Variants in PGP observed in about 807,000 individuals in gnomAD.
The protein encoded by PGP is aspartate-based ubiquitous Mg(2+)-dependent phosphatase.
A neutral mutation model predicts 19.3 loss-of-function variants in PGP; 9 were observed. The observed-to-expected ratio is 0.47, with a 90% CI of 0.28 to 0.81. The LOEUF (loss-of-function observed/expected upper bound fraction) is 0.81. PGP is among the 40% of genes least tolerant of loss of function. PGP has a pLI of 0.11. For missense variants in PGP, 403 were observed against 479.9 expected, an observed-to-expected ratio of 0.84 and a Z score of 1.50; for synonymous variants, 308 against 226.8, an observed-to-expected ratio of 1.36 and a Z score of -3.22.
chr16:2,213,671 G>T lies in PGP; in HGVS notation c.*57C>A. 1 of 1,446,954 alleles carries T rather than the reference G, an allele frequency of 6.9e-7. No individual in the cohort carries two copies. 89.6% of individuals were successfully genotyped at this position (1,446,954 alleles called of 1,614,324 possible). A position where few individuals can be genotyped will look rare whatever the true frequency, so the allele number is the denominator to read the frequency against. On this transcript the variant is annotated 3_prime_UTR_variant, in exon 2 of 2. Coordinates refer to ENST00000333503, the MANE Select transcript of PGP (RefSeq NM_001042371.3). ...ATGCTTAAGCCCCACCTATTAATTT[G>T]GGTAACTGGTTTTCAATTTCTTTTT... is the stretch of plus-strand genomic sequence containing the variant.
rs573639563 is a variant in PGP, at chr16:2,213,227, C to T, written c.*501G>A. 17 of 985,836 alleles carry T rather than the reference C, an allele frequency of 1.7e-5. No homozygotes were observed. In the South Asian group the frequency reaches 1.9e-4, roughly 11 times the overall value. The allele number at this position is 985,836 out of a possible 1,614,324, so 61.1% of individuals were successfully genotyped here. On this transcript the variant is annotated 3_prime_UTR_variant, in exon 2 of 2. Transcript: ENST00000333503. ...CCTGGGAGCAGCCGCCTCCTCCACT[C>T]CCACCCTGCTGGGAGGCACAGGGAC...
rs759518431 is a variant in PGP, at chr16:2,213,942, T to C, written c.752A>G (p.Asn251Ser). 10 of 1,612,210 alleles carry C rather than the reference T, an allele frequency of 6.2e-6. No homozygotes were observed. ...TCCCACCATGACGGTGCGCTCGGGGTTGATGCCGTATTCCTGGGACACGCA... is the reference window on the plus strand; with the variant it reads ...TCCCACCATGACGGTGCGCTCGGGGCTGATGCCGTATTCCTGGGACACGCA... ...FDCVSQEYGI[N>S]PERTVMVGDR... Residue 251 changes from asparagine (N) to serine (S), a missense_variant, in exon 2 of 2, where the codon AAC becomes AGC. Coordinates refer to ENST00000333503, the MANE Select transcript of PGP (RefSeq NM_001042371.3).
Position 2,212,019 on chromosome 16 carries a change from G to A in PGP, c.*1709C>T. On this transcript the variant is annotated 3_prime_UTR_variant, in exon 2 of 2. Coordinates refer to ENST00000333503, the MANE Select transcript of PGP (RefSeq NM_001042371.3). ...GTGTGGGTTTGAGAGTTTAATCTGT[G>A]CTCTGGCGCCCACAGTGCTGCAGCC... The A allele has an allele frequency of 1.0e-6, 1 of 985,526 alleles. No homozygotes were observed. The highest frequency in any genetic ancestry group is 1.2e-6 in the Non-Finnish European group (1 of 829,966). The allele number at this position is 985,526 out of a possible 1,614,324, so 61.0% of individuals were successfully genotyped here. A position where few individuals can be genotyped will look rare whatever the true frequency, so the allele number is the denominator to read the frequency against.
chr16:2,211,605 A>T lies in PGP; in HGVS notation c.*2123T>A, dbSNP rs2093375563. 1.5e-5 allele frequency: 13 copies of T among 861,654 alleles called. No individual in the cohort carries two copies. The Admixed American group carries it at 6.8e-4, about 45-fold the overall frequency. The allele number at this position is 861,654 out of a possible 1,614,324, so 53.4% of individuals were successfully genotyped here. A position where few individuals can be genotyped will look rare whatever the true frequency, so the allele number is the denominator to read the frequency against. On this transcript the variant is annotated 3_prime_UTR_variant, in exon 2 of 2. Transcript: ENST00000333503. The stretch of plus-strand genomic sequence containing the variant: ...GCTAATTTTTGTATTTTTAGTAGAG[A>T]TGGGTTTTCACCATTTTGGCCAGGC...
chr16:2,214,289 G>A lies in PGP; in HGVS notation c.489C>T (p.Pro163=). 3 of 1,563,146 alleles carry A rather than the reference G, an allele frequency of 1.9e-6. No homozygotes were observed. Among genetic ancestry groups the A allele is most frequent in the Non-Finnish European group, 2.6e-6 (3 of 1,163,082 alleles). Residue 163 remains proline (P), a synonymous_variant, in exon 1 of 2, where the codon CCC becomes CCT. Coordinates refer to ENST00000333503, the MANE Select transcript of PGP (RefSeq NM_001042371.3). This position sits in a 1 kb window ranked among gnomAD's most constrained non-coding sequence, Gnocchi z 7.1. The part of the protein sequence containing the change: ...PGDWLHAPLE[P]DVRAVVVGFD... Reference sequence around the variant, plus strand: ...AGCCCACCACCACCGCGCGCACGTCGGGCTCCAGCGGCGCGTGCAGCCAGT... The same window carrying A: ...AGCCCACCACCACCGCGCGCACGTCAGGCTCCAGCGGCGCGTGCAGCCAGT...
Position 2,214,718 on chromosome 16 carries a change from C to A in PGP, c.60G>T (p.Arg20=). The change falls in exon 1 of 2, where the codon CGG becomes CGT. Residue 20 remains arginine, a synonymous_variant. Coordinates refer to ENST00000333503, the MANE Select transcript of PGP (RefSeq NM_001042371.3). This position sits in a 1 kb window ranked among gnomAD's most constrained non-coding sequence, Gnocchi z 7.1. ...DARCVRLSAE[R]AQALLADVDT... ...CCACGTCGGCCAGCAGCGCCTGTGCCCGCTCGGCGCTCAGCCGCACGCAGC... is the reference window on the plus strand; with the variant it reads ...CCACGTCGGCCAGCAGCGCCTGTGCACGCTCGGCGCTCAGCCGCACGCAGC... The A allele has an allele frequency of 7.4e-7, 1 of 1,355,256 alleles. No homozygotes were observed. Among genetic ancestry groups the A allele is most frequent in the Non-Finnish European group, 9.5e-7 (1 of 1,051,352 alleles). The allele number at this position is 1,355,256 out of a possible 1,614,324, so 84.0% of individuals were successfully genotyped here.
Position 2,213,642 on chromosome 16 carries a change from G to GTGCTT in PGP, c.*85_*86insAAGCA, listed in dbSNP as rs1596739340. ...ACACTCTTTGAAGCCACTTAGCCGA[G>GTGCTT]CAGATGCTTAAGCCCCACCTATTAA... On this transcript the variant is annotated 3_prime_UTR_variant, in exon 2 of 2. Coordinates refer to ENST00000333503, the MANE Select transcript of PGP (RefSeq NM_001042371.3). 2.3e-6 allele frequency: 3 copies of GTGCTT among 1,292,442 alleles called. No homozygotes were observed. The East Asian group carries it at 7.5e-5, about 32-fold the overall frequency. 80.1% of individuals were successfully genotyped at this position (1,292,442 alleles called of 1,614,324 possible).
rs1345594469 is a variant in PGP at position 2,212,085 on chromosome 16, C to T, written c.*1643G>A. 5.1e-6 allele frequency: 5 copies of T among 985,440 alleles called. No homozygotes were observed. The highest frequency in any genetic ancestry group is 2.3e-4 in the East Asian group (2 of 8,836). 61.0% of individuals were successfully genotyped at this position (985,440 alleles called of 1,614,324 possible). ...ACAGGATGCACGGGGACTCCCAGCC[C>T]CTACCCGGCAAGAGAGGCATCACTG... is the stretch of plus-strand genomic sequence containing the variant. On this transcript the variant is annotated 3_prime_UTR_variant, in exon 2 of 2. Transcript: ENST00000333503.
rs114996223 is a variant in PGP at position 2,212,070 on chromosome 16, C to T, written c.*1658G>A. The T allele has an allele frequency of 7.7e-3, 7,542 of 985,494 alleles. 214 individuals are homozygous for T. The African/African-American group carries it at 0.084, about 11-fold the overall frequency. 61.0% of individuals were successfully genotyped at this position (985,494 alleles called of 1,614,324 possible). A position where few individuals can be genotyped will look rare whatever the true frequency, so the allele number is the denominator to read the frequency against. Reference sequence around the variant, plus strand: ...CCTCATGGGCCAGAGACAGGATGCACGGGGACTCCCAGCCCCTACCCGGCA... The same window carrying T: ...CCTCATGGGCCAGAGACAGGATGCATGGGGACTCCCAGCCCCTACCCGGCA... On this transcript the variant is annotated 3_prime_UTR_variant, in exon 2 of 2. Coordinates refer to ENST00000333503, the MANE Select transcript of PGP (RefSeq NM_001042371.3).
At position 2,211,763 on chromosome 16, in the gene PGP, C is replaced by A. The variant is rs528431833; in HGVS notation, c.*1965G>T. On this transcript the variant is annotated 3_prime_UTR_variant, in exon 2 of 2. Coordinates refer to ENST00000333503, the MANE Select transcript of PGP (RefSeq NM_001042371.3). ...GCTCCCTGCCCTGGGCGCTCTGACACGGCAGCCCACCAGCTTCACTCCAGG... is the reference window on the plus strand; with the variant it reads ...GCTCCCTGCCCTGGGCGCTCTGACAAGGCAGCCCACCAGCTTCACTCCAGG... 1 of 985,442 alleles carries A rather than the reference C, an allele frequency of 1.0e-6. No homozygotes were observed. Among genetic ancestry groups the A allele is most frequent in the Admixed American group, 6.1e-5 (1 of 16,264 alleles). The allele number at this position is 985,442 out of a possible 1,614,324, so 61.0% of individuals were successfully genotyped here. A position where few individuals can be genotyped will look rare whatever the true frequency, so the allele number is the denominator to read the frequency against.
Position 2,213,933 on chromosome 16 carries a change from C to T in PGP, c.761G>A (p.Arg254His). The change falls in exon 2 of 2, where the codon CGC becomes CAC. Residue 254 changes from arginine (R) to histidine (H), a missense_variant. Transcript: ENST00000333503. ...CAGGCGGTCTCCCACCATGACGGTG[C>T]GCTCGGGGTTGATGCCGTATTCCTG... is the stretch of plus-strand genomic sequence containing the variant. ...VSQEYGINPE[R>H]TVMVGDRLDT... 1 of 1,612,878 alleles carries T rather than the reference C, an allele frequency of 6.2e-7. No homozygotes were observed. Among genetic ancestry groups the T allele is most frequent in the Non-Finnish European group, 8.5e-7 (1 of 1,179,368 alleles).
In PGP at chr16:2,213,704, C is replaced by T. The variant is rs2093381067; in HGVS notation, c.*24G>A. Reference sequence around the variant, plus strand: ...GGTTTTCAATTTCTTTTTTTTTATTCTGCAGATTAAAGACACTCAATCTTT... The same window carrying T: ...GGTTTTCAATTTCTTTTTTTTTATTTTGCAGATTAAAGACACTCAATCTTT... On this transcript the variant is annotated 3_prime_UTR_variant, in exon 2 of 2. Transcript: ENST00000333503. 2.0e-6 allele frequency: 3 copies of T among 1,483,146 alleles called. No homozygotes were observed. The highest frequency in any genetic ancestry group is 2.4e-5 in the Admixed American group (1 of 40,942). 91.9% of individuals were successfully genotyped at this position (1,483,146 alleles called of 1,614,324 possible). A position where few individuals can be genotyped will look rare whatever the true frequency, so the allele number is the denominator to read the frequency against.
Position 2,211,974 on chromosome 16 carries a change from G to T in PGP, c.*1754C>A. ...CATCACCCGGGCCAATGCAAGGTGAGAGCAAGGACACCTGAGCCAGTGTGG... is the reference window on the plus strand; with the variant it reads ...CATCACCCGGGCCAATGCAAGGTGATAGCAAGGACACCTGAGCCAGTGTGG... On this transcript the variant is annotated 3_prime_UTR_variant, in exon 2 of 2. Transcript: ENST00000333503. 1.0e-6 allele frequency: 1 copy of T among 985,578 alleles called. No individual in the cohort carries two copies. Among genetic ancestry groups the T allele is most frequent in the Non-Finnish European group, 1.2e-6 (1 of 829,992 alleles). The allele number at this position is 985,578 out of a possible 1,614,324, so 61.1% of individuals were successfully genotyped here. A position where few individuals can be genotyped will look rare whatever the true frequency, so the allele number is the denominator to read the frequency against.
rs779994730 is a variant in PGP, at chr16:2,214,247, G to A, written c.531C>T (p.Ser177=). 1.9e-6 allele frequency: 3 copies of A among 1,590,942 alleles called. No individual in the cohort carries two copies. Among genetic ancestry groups the A allele is most frequent in the South Asian group, 2.2e-5 (2 of 89,562 alleles). ...AVVVGFDPHF[S]YMKLTKALRY... The stretch of plus-strand genomic sequence containing the variant: ...GCAGGGCCTTGGTGAGCTTCATGTA[G>A]CTGAAGTGCGGGTCAAAGCCCACCA... The change falls in exon 1 of 2, where the codon AGC becomes AGT. Residue 177 remains serine, a synonymous_variant. Coordinates refer to ENST00000333503, the MANE Select transcript of PGP (RefSeq NM_001042371.3). The surrounding 1 kb of genome is among the most constrained non-coding windows in gnomAD (Gnocchi z 7.1).
rs112233846 is a variant in PGP at position 2,213,214 on chromosome 16, C to T, written c.*514G>A. ...CAGGGAGATGCCACCTGGGAGCAGC[C>T]GCCTCCTCCACTCCCACCCTGCTGG... On this transcript the variant is annotated 3_prime_UTR_variant, in exon 2 of 2. Transcript: ENST00000333503. 6.1e-5 allele frequency: 60 copies of T among 985,710 alleles called. No homozygotes were observed. In the East Asian group the frequency reaches 2.5e-3, roughly 41 times the overall value. 61.1% of individuals were successfully genotyped at this position (985,710 alleles called of 1,614,324 possible).
At position 2,212,118 on chromosome 16, in the gene PGP, AT is replaced by A; in HGVS notation, c.*1609del. ...GCAAGAGAGGCATCACTGAGGCTGCATCTGCCATGCGCTCCTGGTGTGACTG... is the reference window on the plus strand; with the variant it reads ...GCAAGAGAGGCATCACTGAGGCTGCACTGCCATGCGCTCCTGGTGTGACTG... On this transcript the variant is annotated 3_prime_UTR_variant, in exon 2 of 2. Coordinates refer to ENST00000333503, the MANE Select transcript of PGP (RefSeq NM_001042371.3). 1.0e-6 allele frequency: 1 copy of A among 985,618 alleles called. No homozygotes were observed. The highest frequency in any genetic ancestry group is 1.2e-6 in the Non-Finnish European group (1 of 829,950). 61.1% of individuals were successfully genotyped at this position (985,618 alleles called of 1,614,324 possible). A position where few individuals can be genotyped will look rare whatever the true frequency, so the allele number is the denominator to read the frequency against.
rs62038850 is a variant in PGP, at chr16:2,212,986, G to C, written c.*742C>G. 5.1e-6 allele frequency: 5 copies of C among 985,520 alleles called. No homozygotes were observed. The highest frequency in any genetic ancestry group is 6.0e-6 in the Non-Finnish European group (5 of 829,964). 61.0% of individuals were successfully genotyped at this position (985,520 alleles called of 1,614,324 possible). A position where few individuals can be genotyped will look rare whatever the true frequency, so the allele number is the denominator to read the frequency against. ...CCCGGAGTTCAGTGAAGGCGTCCAC[G>C]CCATGGTAGCTGCTCCGTCCAAATC... is the stretch of plus-strand genomic sequence containing the variant. On this transcript the variant is annotated 3_prime_UTR_variant, in exon 2 of 2. Transcript: ENST00000333503.
chr16:2,212,337 G>A lies in PGP; in HGVS notation c.*1391C>T, dbSNP rs2093377545. On this transcript the variant is annotated 3_prime_UTR_variant, in exon 2 of 2. Coordinates refer to ENST00000333503, the MANE Select transcript of PGP (RefSeq NM_001042371.3). ...TCTTTGTGACCAAGTGGAGTGCTGTGACTGTGGGGCCAAGAGAGAAGCTGC... is the reference window on the plus strand; with the variant it reads ...TCTTTGTGACCAAGTGGAGTGCTGTAACTGTGGGGCCAAGAGAGAAGCTGC... 7 of 986,132 alleles carry A rather than the reference G, an allele frequency of 7.1e-6. No individual in the cohort carries two copies. Among genetic ancestry groups the A allele is most frequent in the Non-Finnish European group, 7.2e-6 (6 of 830,238 alleles). 61.1% of individuals were successfully genotyped at this position (986,132 alleles called of 1,614,324 possible). A position where few individuals can be genotyped will look rare whatever the true frequency, so the allele number is the denominator to read the frequency against.
Position 2,214,082 on chromosome 16 carries a change from G to A in PGP, c.641-29C>T, listed in dbSNP as rs996505867. On this transcript the variant is annotated intron_variant, in intron 1 of 1. Transcript: ENST00000333503. The surrounding 1 kb of genome is among the most constrained non-coding windows in gnomAD (Gnocchi z 7.1). Reference sequence around the variant, plus strand: ...CGGGGCACAGGGGACCGGGTCAAAGGGCAGGGAGGGGGCCCGCCGCCCGCC... The same window carrying A: ...CGGGGCACAGGGGACCGGGTCAAAGAGCAGGGAGGGGGCCCGCCGCCCGCC... 6.3e-7 allele frequency: 1 copy of A among 1,593,066 alleles called. No homozygotes were observed. The highest frequency in any genetic ancestry group is 8.5e-7 in the Non-Finnish European group (1 of 1,175,490).
Sources: gnomAD v4.1 joint callset for allele counts on GRCh38, gnomAD v4.1.1 for gene constraint, Gnocchi (gnomAD v3.1) non-coding constraint, MANE v1.5 for transcripts, NCBI Gene and HGNC (gene_info 2026-07-23, HGNC 2026-07-21) for gene names.